DPH5: variants seen among roughly 807,000 people sequenced by gnomAD.
The protein encoded by DPH5 is diphthamide biosynthesis 5, also known as diphthine methyl ester synthase.
Under a neutral mutation model 31.6 loss-of-function variants are expected in DPH5, and 31 were observed. That is an observed-to-expected ratio of 0.98 (90% CI 0.74 to 1.32). DPH5 has a LOEUF of 1.32. DPH5 is among the 40% of genes most tolerant of loss of function. The probability of loss-of-function intolerance (pLI) is 0.00; values close to 1 mark genes in which losing one functional copy is unlikely to be tolerated. For synonymous variants in DPH5, 120 were observed against 115.0 expected (o/e 1.04, Z -0.28); for missense variants, 309 against 335.7 (o/e 0.92, Z 0.62).
At chr1:101,013,416 T>C (rs570564803) in intron 4 of DPH5, among the ~76,000 whole-genome samples, 1 of 152,332 alleles carries the variant, frequency 6.6e-6, no homozygotes, top group African/African-American at 2.4e-5. Context: ...GCCTCGACAA[T>C]GCTGAGTATG....
chr1:101,006,730 T>A (rs916161879), intron 4 of DPH5, among the ~76,000 whole-genome samples: 1 of 152,272 alleles, frequency 6.6e-6, no homozygotes, highest in Non-Finnish European at 1.5e-5. Context: ...CAATGAATGT[T>A]GTGGTATTAA....
intron 4 of DPH5, among the ~76,000 whole-genome samples, chr1:101,013,338 C>T (rs144412520): frequency 6.6e-6 from 1 of 152,268 alleles, no homozygotes; most frequent in East Asian, 1.9e-4. Context: ...TATACTGATT[C>T]TATTAAGAAA....
chr1:101,003,816 C>G (rs972607900), intron 4 of DPH5, among the ~76,000 whole-genome samples: 2 of 152,112 alleles, frequency 1.3e-5, no homozygotes, highest in African/African-American at 4.8e-5. Flanking sequence ...TTCATTCTGA[C>G]AAGTTCAACT....
At chr1:101,012,420 C>T (rs575112442) in intron 4 of DPH5, among the ~76,000 whole-genome samples, 1 of 152,330 alleles carries the variant, frequency 6.6e-6, no homozygotes, top group South Asian at 2.1e-4. Context: ...GTACTCTCTC[C>T]CTTGGACACC....
chr1:101,025,577 G>C, intron 1 of DPH5, 106 bp downstream of exon 1: 1 of 1,097,096 alleles, frequency 9.1e-7, no homozygotes, highest in East Asian at 2.6e-5. Context: ...AAGTCACAAG[G>C]AGGGGTTTGG....
Position 101,013,174 on chromosome 1 carries a change from T to C in DPH5, c.369+536A>G, listed in dbSNP as rs563733130. Among the ~76,000 whole-genome samples the C allele has an allele frequency of 8.5e-5, 13 of 152,278 alleles. No individual in the cohort carries two copies. The South Asian group carries it at 2.5e-3, about 29-fold the overall frequency. ...GTAGCTAAGATATAAATGATAAAGA[T>C]ATAAATGATAGTAGCTAAGAAGTAA... On this transcript the variant is annotated intron_variant, in intron 4 of 7. Coordinates refer to ENST00000370109, the MANE Select transcript of DPH5 (RefSeq NM_015958.3).
At chr1:101,003,404 A>G (rs1008589387) in intron 4 of DPH5, among the ~76,000 whole-genome samples, 3 of 152,228 alleles carry the variant, frequency 2.0e-5, no homozygotes, top group African/African-American at 7.2e-5. Context: ...TTAAAATGAC[A>G]GGCAAAACAC....
chr1:101,021,910 T>C (rs1660489054), intron 2 of DPH5, 145 bp from the exon 3 acceptor site: 1 of 705,888 alleles, frequency 1.4e-6, no homozygotes, highest in Non-Finnish European at 2.2e-6. Flanking sequence ...ATGCAGATCA[T>C]TCAATACAAC....
intron 6 of DPH5, among the ~76,000 whole-genome samples, chr1:100,994,254 T>C (rs1658123668): frequency 6.6e-6 from 1 of 152,190 alleles, no homozygotes; most frequent in South Asian, 2.1e-4. Context: ...ACAGTTGATT[T>C]ATATACTAAA....
chr1:101,006,581 G>C (rs1659246597), intron 4 of DPH5, among the ~76,000 whole-genome samples: 1 of 151,954 alleles, frequency 6.6e-6, no homozygotes, highest in Non-Finnish European at 1.5e-5. Context: ...TTAATACAAA[G>C]AACACTAAAA....
In DPH5 at chr1:100,991,971, C is replaced by T. The variant is rs1423919087; in HGVS notation, c.634+666G>A. On this transcript the variant is annotated intron_variant, in intron 7 of 7. Coordinates refer to ENST00000370109, the MANE Select transcript of DPH5 (RefSeq NM_015958.3). Reference sequence around the variant, plus strand: ...AAAACACACAAAGAAATTAGCTGGGCATGGTGGCATGCACTTGTAGTTCAG... The same window carrying T: ...AAAACACACAAAGAAATTAGCTGGGTATGGTGGCATGCACTTGTAGTTCAG... 6.6e-5 allele frequency among the ~76,000 whole-genome samples: 10 copies of T among 151,188 alleles called. No homozygotes were observed. In the South Asian group the frequency reaches 2.1e-3, roughly 32 times the overall value.
intron 4 of DPH5, among the ~76,000 whole-genome samples, chr1:101,005,494 A>G (rs888753621): frequency 6.6e-6 from 1 of 152,222 alleles, no homozygotes; most frequent in African/African-American, 2.4e-5. Flanking sequence ...TTTTGATGAC[A>G]CTAAGGAAGA....
At chr1:101,003,067 A>G (rs948329174) in intron 4 of DPH5, among the ~76,000 whole-genome samples, 1 of 152,234 alleles carries the variant, frequency 6.6e-6, no homozygotes, top group Non-Finnish European at 1.5e-5. Context: ...AGTCCATTTG[A>G]AAGCTGCCTA....
intron 5 of DPH5, chr1:100,995,409 TTAGA>T (rs1483142794): frequency 5.5e-6 from 2 of 365,700 alleles, no homozygotes; most frequent in Non-Finnish European, 1.0e-5. Context: ...AGGGAAAGAA[TTAGA>T]TAAACATTGG....
At chr1:101,018,307 T>G (rs1028818591) in intron 3 of DPH5, among the ~76,000 whole-genome samples, 1 of 151,846 alleles carries the variant, frequency 6.6e-6, no homozygotes, top group African/African-American at 2.4e-5. Context: ...GGCACGATCT[T>G]GGCTCATGCA....
chr1:101,019,874 T>C (rs1000444728), intron 3 of DPH5, among the ~76,000 whole-genome samples: 2 of 150,958 alleles, frequency 1.3e-5, no homozygotes, highest in African/African-American at 4.9e-5. Context: ...ATGAAAGAGG[T>C]AGCATCTGAG....
At chr1:101,002,191 G>A (rs1231837176) in intron 4 of DPH5, among the ~76,000 whole-genome samples, 1 of 152,138 alleles carries the variant, frequency 6.6e-6, no homozygotes, top group Non-Finnish European at 1.5e-5. Context: ...CAGGGATGAG[G>A]GCCTTTTTCC....
At chr1:100,997,417 G>A (rs751413515) in intron 5 of DPH5, among the ~76,000 whole-genome samples, 3 of 151,952 alleles carry the variant, frequency 2.0e-5, no homozygotes, top group Non-Finnish European at 4.4e-5. Flanking sequence ...CCAGGCTGGA[G>A]TGCAGTGGTG....
At chr1:101,025,516 A>G (rs1013953000) in intron 1 of DPH5, 50 bp from the exon 2 acceptor site, 1 of 1,575,662 alleles carries the variant, frequency 6.3e-7, no homozygotes, top group Admixed American at 1.7e-5. Context: ...GAGGACATCT[A>G]AAATCTAGTG....
Sources: gnomAD v4.1 joint callset for allele counts (sites outside exome capture counted in the v4.1 genomes callset) on GRCh38, gnomAD v4.1.1 for gene constraint, MANE v1.5 for transcripts, NCBI Gene and HGNC (gene_info 2026-07-23, HGNC 2026-07-21) for gene names.